ABCC1: variants seen among roughly 807,000 people sequenced by gnomAD.
ABCC1 encodes the protein ATP binding cassette subfamily C member 1 (ABCC1 blood group).
In ABCC1, 83 loss-of-function variants were observed where a neutral mutation model predicts 172.9. The observed-to-expected ratio is 0.48, with a 90% confidence interval of 0.40 to 0.58. ABCC1 has a LOEUF of 0.58. Among genes scored for constraint, ABCC1 ranks in the 20% least tolerant of loss-of-function variants. ABCC1 has a pLI of 0.00. For synonymous variants in ABCC1, 937 were observed against 825.2 expected (o/e 1.14, Z -2.32); for missense variants, 1,817 against 2,002.7 (o/e 0.91, Z 1.77).
In ABCC1 at chr16:16,111,472, T is replaced by C; in HGVS notation, c.2969T>C (p.Leu990Pro). 2 of 1,614,200 alleles carry C rather than the reference T, an allele frequency of 1.2e-6. No homozygotes were observed. The highest frequency in any genetic ancestry group is 1.7e-6 in the Non-Finnish European group (2 of 1,180,014). ...TTCATGTGTAACCATGTGTCCGCGC[T>C]GGCTTCCAACTATTGGCTCAGCCTC... is the stretch of plus-strand genomic sequence containing the variant. ...FLFMCNHVSALASNYWLSLWT... is the reference protein window; with the variant it reads ...FLFMCNHVSAPASNYWLSLWT... The change falls in exon 22 of 31, where the codon CTG (leucine) becomes CCG (proline). Residue 990 changes from leucine to proline, a missense_variant. By Grantham distance (98) the Leu-to-Pro change is moderately conservative (BLOSUM62 -3). Coordinates refer to ENST00000399410, the MANE Select transcript of ABCC1 (RefSeq NM_004996.4).
intron 20 of ABCC1, among the ~76,000 whole-genome samples, chr16:16,106,036 C>A (rs2052082010): frequency 6.6e-6 from 1 of 152,034 alleles, no homozygotes; most frequent in Non-Finnish European, 1.5e-5. Flanking sequence ...GGTACCACGC[C>A]TGGCTAATTT....
chr16:16,136,866 T>G (rs1404205015), intron 29 of ABCC1, among the ~76,000 whole-genome samples: 1 of 152,110 alleles, frequency 6.6e-6, no homozygotes, highest in Non-Finnish European at 1.5e-5. Context: ...CCAGTACATT[T>G]CCTTTTATAC....
chr16:15,970,201 A>C (rs985864413), intron 1 of ABCC1, among the ~76,000 whole-genome samples: 2 of 152,166 alleles, frequency 1.3e-5, no homozygotes, highest in African/African-American at 4.8e-5. Context: ...TGTCCCCAAA[A>C]TAATCAGGGT....
intron 1 of ABCC1, among the ~76,000 whole-genome samples, chr16:15,979,796 CCTG>C (rs1289915090): frequency 6.6e-6 from 1 of 151,990 alleles, no homozygotes; most frequent in African/African-American, 2.4e-5. Context: ...TTTTTATCAC[CCTG>C]CTTACTTGTT....
chr16:16,115,111 C>T (rs2044800629), intron 23 of ABCC1, 35 bp downstream of exon 23: 1 of 1,598,456 alleles, frequency 6.3e-7, no homozygotes, highest in South Asian at 1.1e-5. Flanking sequence ...GGGACAAGCC[C>T]TACTGTGCAT....
At position 16,080,455 on chromosome 16, in the gene ABCC1, G is replaced by A. The variant is rs1330948486; in HGVS notation, c.2115+977G>A. 2.6e-5 allele frequency among the ~76,000 whole-genome samples: 4 copies of A among 152,226 alleles called. No homozygotes were observed. In the East Asian group the frequency reaches 7.7e-4, roughly 29 times the overall value. On this transcript the variant is annotated intron_variant, in intron 16 of 30. Coordinates refer to ENST00000399410, the MANE Select transcript of ABCC1 (RefSeq NM_004996.4). ...AAATTCCCCAGGAGTGAGCTTAAGA[G>A]GCTCCTTTACAAATAATCCCCACTG...
intron 7 of ABCC1, among the ~76,000 whole-genome samples, chr16:16,042,857 A>G (rs1014914412): frequency 2.6e-5 from 4 of 152,020 alleles, no homozygotes; most frequent in African/African-American, 4.8e-5. Flanking sequence ...ATCACAGTCA[A>G]TTTTATTTAT....
At chr16:16,026,432 C>CA (rs386384354) in intron 5 of ABCC1, among the ~76,000 whole-genome samples, 2,727 of 58,578 alleles carry the variant, frequency 0.047, 189 homozygotes, top group African/African-American at 0.17. Flanking sequence ...GAAACCGTCT[C>CA]AAAAAAAAAA....
chr16:16,119,570 A>G (rs2045059917), intron 23 of ABCC1, among the ~76,000 whole-genome samples: 1 of 152,022 alleles, frequency 6.6e-6, no homozygotes, highest in Non-Finnish European at 1.5e-5. Context: ...GGGCGCCTGC[A>G]ATTCCAGCTA....
At chr16:15,983,598 C>T (rs1268809950) in intron 1 of ABCC1, among the ~76,000 whole-genome samples, 3 of 142,514 alleles carry the variant, frequency 2.1e-5, no homozygotes, top group African/African-American at 7.7e-5. Context: ...CTCTGTCTCC[C>T]AGGCTGGAGA....
intron 9 of ABCC1, 145 bp from the exon 10 acceptor site, chr16:16,047,997 G>T (rs2049284381): frequency 1.9e-6 from 2 of 1,058,292 alleles, no homozygotes; most frequent in Non-Finnish European, 2.8e-6. Context: ...GGCGTCCTGG[G>T]CAGACAGATA....
At chr16:16,010,037 C>CTTTTTTTTATTTT (rs2047717800) in intron 3 of ABCC1, 136 bp downstream of exon 3, 1 of 100,498 alleles carries the variant, frequency 1.0e-5, no homozygotes, top group African/African-American at 5.8e-5. Context: ...TAAATGTAGC[C>CTTTTTTTTATTTT]TTTTTTTTTT....
intron 16 of ABCC1, among the ~76,000 whole-genome samples, chr16:16,082,848 A>C (rs745360471): frequency 1.3e-5 from 2 of 152,134 alleles, no homozygotes; most frequent in Non-Finnish European, 2.9e-5. Context: ...GGATTTCTCT[A>C]TGTTGTCCAG....
chr16:16,032,872 T>A (rs1408453558), intron 5 of ABCC1, among the ~76,000 whole-genome samples: 2 of 152,154 alleles, frequency 1.3e-5, no homozygotes. Flanking sequence ...TATAGCATGT[T>A]GTATTGTGGT....
At chr16:16,025,059 C>G in intron 5 of ABCC1, among the ~76,000 whole-genome samples, 1 of 152,076 alleles carries the variant, frequency 6.6e-6, no homozygotes, top group East Asian at 1.9e-4. Flanking sequence ...GGCAAAGATT[C>G]TGGGGTGTGC....
intron 22 of ABCC1, among the ~76,000 whole-genome samples, chr16:16,112,795 G>A (rs2152089357): frequency 6.6e-6 from 1 of 152,312 alleles, no homozygotes; most frequent in East Asian, 1.9e-4. Flanking sequence ...GAGTACTTCT[G>A]TATGCCAGGC....
At chr16:16,129,080 C>T (rs764459558) in intron 26 of ABCC1, among the ~76,000 whole-genome samples, 2 of 152,160 alleles carry the variant, frequency 1.3e-5, no homozygotes, top group Admixed American at 6.5e-5. Context: ...AGAGAGAGGC[C>T]CCATTAGCAT....
At chr16:15,963,571 C>T (rs1283732166) in intron 1 of ABCC1, among the ~76,000 whole-genome samples, 3 of 152,216 alleles carry the variant, frequency 2.0e-5, no homozygotes, top group South Asian at 4.1e-4. Flanking sequence ...GTTTCCAAAC[C>T]TCAGTTCTTT....
In ABCC1 at chr16:15,979,305, CAAACAAAA is replaced by C. The variant is rs1435219890; in HGVS notation, c.49-28507_49-28500del. Among the ~76,000 whole-genome samples, 80 of 148,542 alleles carry C rather than the reference CAAACAAAA, an allele frequency of 5.4e-4. 1 individual carries two copies. The highest frequency in any genetic ancestry group is 6.7e-4 in the Admixed American group (10 of 14,892). ...ACTCTGTCTCAAACAAACAAACAAA[CAAACAAAA>C]AAAAAACAAAATTTTTTTTCCACAA... On this transcript the variant is annotated intron_variant, in intron 1 of 30. Coordinates refer to ENST00000399410, the MANE Select transcript of ABCC1 (RefSeq NM_004996.4).
Sources: allele counts gnomAD v4.1 joint callset (sites outside exome capture counted in the v4.1 genomes callset), GRCh38; gene constraint gnomAD v4.1.1; transcripts MANE v1.5; gene names NCBI Gene and HGNC (gene_info 2026-07-23, HGNC 2026-07-21).